The following MPPE1 variants were observed in gnomAD, a reference collection of about 807,000 sequenced individuals.
MPPE1 encodes metallophosphoesterase 1, also known as metallo phosphoesterase.
MPPE1 carries 28 observed loss-of-function variants against 43.8 expected under a neutral mutation model. The observed-to-expected ratio is 0.64, with a 90% CI of 0.47 to 0.88. The LOEUF (loss-of-function observed/expected upper bound fraction) is 0.88, where lower values mean the gene tolerates loss of function less well. Among genes scored for constraint, MPPE1 ranks in the 40% least tolerant of loss-of-function variants. The pLI is 0.00. For missense variants in MPPE1, 428 were observed against 492.2 expected (o/e 0.87, Z 1.23); for synonymous variants, 159 against 188.5 (o/e 0.84, Z 1.28).
chr18:11,894,685 G>A (rs1405186501), intron 3 of MPPE1, among the ~76,000 whole-genome samples: 6 of 151,890 alleles, frequency 4.0e-5, no homozygotes, highest in Non-Finnish European at 7.4e-5. Flanking sequence ...CTGCCTCCCC[G>A]TTTCAAATGA....
chr18:11,898,939 ACT>A (rs2038866718), intron 2 of MPPE1, among the ~76,000 whole-genome samples: 1 of 148,052 alleles, frequency 6.8e-6, no homozygotes, highest in Non-Finnish European at 1.5e-5. Context: ...ACAGAATCTC[ACT>A]CTGTCACCCA....
intron 4 of MPPE1, among the ~76,000 whole-genome samples, chr18:11,892,798 T>A (rs1215168130): frequency 6.6e-6 from 1 of 152,226 alleles, no homozygotes; most frequent in Non-Finnish European, 1.5e-5. Flanking sequence ...CTGAACATTT[T>A]TAAGCAGCAA....
Position 11,897,013 on chromosome 18 carries a change from G to C in MPPE1, c.252C>G (p.Phe84Leu), listed in dbSNP as rs757428231. Residue 84 changes from phenylalanine to leucine, a missense_variant, in exon 3 of 11, where the codon TTC becomes TTG. By Grantham distance (22) the Phe-to-Leu change is conservative (BLOSUM62 0). Around this residue, in one of 3 missense-constraint regions of MPPE1, gnomAD observed 379 missense variants for 402.5 expected, o/e 0.94. Transcript: ENST00000588072. ...FLADTHLLGE[F>L]LGHWLDKLRR... ...GTAATTTGTCCAGCCAGTGGCCTAGGAATTCCCCAAGCAAATGGGTGTCAG... is the reference window on the plus strand; with the variant it reads ...GTAATTTGTCCAGCCAGTGGCCTAGCAATTCCCCAAGCAAATGGGTGTCAG... 6.3e-7 allele frequency: 1 copy of C among 1,592,126 alleles called. No homozygotes were observed. The highest frequency in any genetic ancestry group is 8.5e-7 in the Non-Finnish European group (1 of 1,171,390).
At position 11,897,169 on chromosome 18, in the gene MPPE1, A is replaced by G. The variant is rs199568943; in HGVS notation, c.96T>C (p.Ala32=). 44 of 1,285,446 alleles carry G rather than the reference A, an allele frequency of 3.4e-5. 1 individual carries two copies. The African/African-American group carries it at 6.2e-4, about 18-fold the overall frequency. 79.6% of individuals were successfully genotyped at this position (1,285,446 alleles called of 1,614,324 possible). ...LLLKLIAVVF[A]VLLFCEFLIY... ...TTAAAAATTCACAAAATAGAAGCAC[A>G]GCAAAGACAACAGCTATGAGTTTCA... The change falls in exon 3 of 11, where the codon GCT becomes GCC. Residue 32 remains alanine, a synonymous_variant. Transcript: ENST00000588072.
At chr18:11,899,646 C>T (rs1474799208) in intron 2 of MPPE1, among the ~76,000 whole-genome samples, 1 of 152,154 alleles carries the variant, frequency 6.6e-6, no homozygotes, top group Non-Finnish European at 1.5e-5. Context: ...GGGCGGTGAC[C>T]TTCCCAGGGA....
rs553789724 is a variant in MPPE1, at chr18:11,888,720, C to T, written c.518G>A (p.Arg173His). The T allele has an allele frequency of 1.9e-5, 30 of 1,597,528 alleles. No individual in the cohort carries two copies. Among genetic ancestry groups the T allele is most frequent in the South Asian group, 5.7e-5 (5 of 87,952 alleles). The change falls in exon 6 of 11, where the codon CGC (arginine) becomes CAC (histidine). Residue 173 changes from arginine to histidine, a missense_variant. Transcript: ENST00000588072. ...TTCAGAGCTGAACACTTTCTCAAAG[C>T]GTTCTACTTTGTATGTGTTCATCCT... ...HYEMNTYKVE[R>H]FEKVFSSERL...
chr18:11,892,391 C>T (rs2038099330), intron 4 of MPPE1, among the ~76,000 whole-genome samples: 2 of 150,576 alleles, frequency 1.3e-5, no homozygotes, highest in Non-Finnish European at 3.0e-5. Context: ...AAAGAAAGGG[C>T]AGGCACGGTG....
chr18:11,906,819 A>C (rs909413612), intron 1 of MPPE1, among the ~76,000 whole-genome samples: 2 of 147,438 alleles, frequency 1.4e-5, no homozygotes, highest in Non-Finnish European at 3.0e-5. Flanking sequence ...GCGCCATTGC[A>C]CTCCAGCCTG....
At chr18:11,904,746 G>A (rs1296650345) in intron 2 of MPPE1, among the ~76,000 whole-genome samples, 1 of 152,078 alleles carries the variant, frequency 6.6e-6, no homozygotes, top group African/African-American at 2.4e-5. Flanking sequence ...GACCAGCCTA[G>A]CCAACATGGT....
At position 11,885,553 on chromosome 18, in the gene MPPE1, A is replaced by G. The variant is rs2037085864; in HGVS notation, c.1008+123T>C. On this transcript the variant is annotated intron_variant, in intron 10 of 10. Transcript: ENST00000588072. ...GGGCAGTGTATGGAGCTACGTGTAG[A>G]AGGAGAGAAATTTGTGTGTGGCTTT... 4 of 1,198,662 alleles carry G rather than the reference A, an allele frequency of 3.3e-6. No homozygotes were observed. In the South Asian group the frequency reaches 5.8e-5, roughly 17 times the overall value. 74.3% of individuals were successfully genotyped at this position (1,198,662 alleles called of 1,614,324 possible). A position where few individuals can be genotyped will look rare whatever the true frequency, so the allele number is the denominator to read the frequency against.
rs1361144460 is a variant in MPPE1, at chr18:11,885,556, GA to G, written c.1008+119del. ...CAGTGTATGGAGCTACGTGTAGAAGGAGAGAAATTTGTGTGTGGCTTTTGTA... is the reference window on the plus strand; with the variant it reads ...CAGTGTATGGAGCTACGTGTAGAAGGGAGAAATTTGTGTGTGGCTTTTGTA... On this transcript the variant is annotated intron_variant, in intron 10 of 10. Transcript: ENST00000588072. 7.3e-6 allele frequency: 9 copies of G among 1,229,288 alleles called. No homozygotes were observed. The Admixed American group carries it at 1.1e-4, about 14-fold the overall frequency. The allele number at this position is 1,229,288 out of a possible 1,614,324, so 76.1% of individuals were successfully genotyped here.
chr18:11,891,679 T>G (rs889861281), intron 4 of MPPE1, among the ~76,000 whole-genome samples: 5 of 152,232 alleles, frequency 3.3e-5, no homozygotes, highest in Admixed American at 2.6e-4. Flanking sequence ...TGTAAACTGG[T>G]TCCTATCAAC....
intron 2 of MPPE1, among the ~76,000 whole-genome samples, chr18:11,900,261 C>A (rs577421200): frequency 7.2e-5 from 11 of 152,158 alleles, no homozygotes; most frequent in African/African-American, 2.7e-4. Flanking sequence ...GCAAGAGAAT[C>A]TCTTGAACCT....
chr18:11,887,593 A>G (rs2144192585), intron 6 of MPPE1, among the ~76,000 whole-genome samples: 1 of 152,332 alleles, frequency 6.6e-6, no homozygotes, highest in Admixed American at 6.5e-5. Flanking sequence ...AAACTAGGGT[A>G]ATAACAAAGT....
At chr18:11,895,388 A>G (rs1434319884) in intron 3 of MPPE1, 1 of 152,292 alleles carries the variant, frequency 6.6e-6, no homozygotes, top group Non-Finnish European at 1.5e-5. Context: ...CCTGGGCAAC[A>G]GAGCTAGACC....
chr18:11,901,136 C>T (rs1265930), intron 2 of MPPE1, among the ~76,000 whole-genome samples: 1 of 151,838 alleles, frequency 6.6e-6, no homozygotes, highest in Non-Finnish European at 1.5e-5. Flanking sequence ...AAAGGGTAGG[C>T]AATGGTGAAA....
At chr18:11,897,402 G>C in intron 2 of MPPE1, 46 bp from the exon 3 acceptor site, 1 of 755,482 alleles carries the variant, frequency 1.3e-6, no homozygotes, top group South Asian at 1.8e-5. Context: ...TAATAATACA[G>C]GTATCACGAC....
intron 2 of MPPE1, chr18:11,902,267 C>T (rs1205128375): frequency 3.3e-5 from 5 of 152,016 alleles, no homozygotes; most frequent in Admixed American, 3.3e-4. Flanking sequence ...AGTCACCCAC[C>T]TCATCTGTAA....
At chr18:11,892,355 GAAAAAAAAA>G (rs548540889) in intron 4 of MPPE1, among the ~76,000 whole-genome samples, 12,232 of 93,518 alleles carry the variant, frequency 0.13, 611 homozygotes, top group African/African-American at 0.17. Context: ...GCACCAAAAA[GAAAAAAAAA>G]AAAAAAAGAA....
Sources: allele counts gnomAD v4.1 joint callset (sites outside exome capture counted in the v4.1 genomes callset), GRCh38; gene constraint gnomAD v4.1.1; regional missense constraint gnomAD v4.1.1; transcripts MANE v1.5; gene names NCBI Gene and HGNC (gene_info 2026-07-23, HGNC 2026-07-21).